Variants in KLHL7 observed in about 807,000 individuals in gnomAD.
The protein encoded by KLHL7 is kelch like family member 7, also known as kelch-like protein 7.
A neutral mutation model predicts 67.4 loss-of-function variants in KLHL7; 44 were observed. The ratio of observed to expected loss-of-function variants is 0.65; its 90% confidence interval spans 0.51 to 0.84. KLHL7 has a LOEUF of 0.84. Ranked by LOEUF, KLHL7 falls within the 40% of genes least tolerant of loss-of-function variation. The pLI is 0.00. For missense variants in KLHL7, 362 were observed against 718.1 expected (o/e 0.50, Z 5.67); for synonymous variants, 252 against 243.3 (o/e 1.04, Z -0.33).
chr7:23,132,561 T>A (rs1783839842), intron 4 of KLHL7, among the ~76,000 whole-genome samples: 1 of 152,184 alleles, frequency 6.6e-6, no homozygotes, highest in East Asian at 1.9e-4. Context: ...GTCAGATGAG[T>A]AGTTTGCAGA....
intron 1 of KLHL7, chr7:23,106,766 C>A (rs991621134): frequency 1.0e-6 from 1 of 985,236 alleles, no homozygotes. Flanking sequence ...GTGGTGCATT[C>A]GTGAAATTCT....
chr7:23,144,507 G>A (rs1384310915), intron 6 of KLHL7, among the ~76,000 whole-genome samples: 1 of 152,110 alleles, frequency 6.6e-6, no homozygotes, highest in Non-Finnish European at 1.5e-5. Flanking sequence ...TAAACAATCT[G>A]TTGCTTTTCT....
intron 6 of KLHL7, among the ~76,000 whole-genome samples, chr7:23,148,899 C>T (rs1784445453): frequency 1.3e-5 from 2 of 152,228 alleles, no homozygotes; most frequent in East Asian, 3.9e-4. Flanking sequence ...TGTTCTATTA[C>T]TCCTTGACTA....
intron 1 of KLHL7, among the ~76,000 whole-genome samples, chr7:23,115,447 T>A (rs546999561): frequency 2.0e-5 from 3 of 152,300 alleles, no homozygotes; most frequent in Non-Finnish European, 2.9e-5. Flanking sequence ...TTGGGAGGAA[T>A]CTTCCATGCT....
At chr7:23,151,668 T>C (rs1784540838) in intron 6 of KLHL7, among the ~76,000 whole-genome samples, 1 of 152,228 alleles carries the variant, frequency 6.6e-6, no homozygotes, top group South Asian at 2.1e-4. Flanking sequence ...TTTTATTTAA[T>C]TAGTCTGTGG....
chr7:23,114,422 C>G (rs1783002009), intron 1 of KLHL7, among the ~76,000 whole-genome samples: 1 of 152,162 alleles, frequency 6.6e-6, no homozygotes. Flanking sequence ...CTTCTTATGT[C>G]TCGTTTGGTT....
chr7:23,130,058 A>G (rs989539753), intron 4 of KLHL7, among the ~76,000 whole-genome samples: 1 of 152,198 alleles, frequency 6.6e-6, no homozygotes, highest in Non-Finnish European at 1.5e-5. Context: ...ATCTTTTGAA[A>G]TCATCTAATG....
intron 6 of KLHL7, 149 bp from the exon 7 acceptor site, chr7:23,151,918 C>T (rs1784548577): frequency 5.5e-6 from 4 of 733,068 alleles, no homozygotes; most frequent in South Asian, 3.1e-5. Flanking sequence ...ATTTCTCCTG[C>T]CTCTTCCCCC....
chr7:23,171,552 C>T (rs1300420998), intron 9 of KLHL7, among the ~76,000 whole-genome samples: 3 of 152,148 alleles, frequency 2.0e-5, no homozygotes, highest in African/African-American at 4.8e-5. Flanking sequence ...AAACAGGAGC[C>T]ATGCTGTCCA....
intron 7 of KLHL7, among the ~76,000 whole-genome samples, chr7:23,164,954 T>G (rs918621336): frequency 3.9e-5 from 6 of 152,224 alleles, no homozygotes; most frequent in Non-Finnish European, 7.3e-5. Context: ...ATACTATAAC[T>G]TTAGGGGCAT....
At chr7:23,135,768 T>C (rs911879186) in intron 4 of KLHL7, among the ~76,000 whole-genome samples, 1 of 152,168 alleles carries the variant, frequency 6.6e-6, no homozygotes, top group Non-Finnish European at 1.5e-5. Flanking sequence ...TGTGTAAAAA[T>C]AAGTTGGTCT....
At chr7:23,128,177 T>C (rs1214375535) in intron 4 of KLHL7, among the ~76,000 whole-genome samples, 2 of 148,230 alleles carry the variant, frequency 1.3e-5, no homozygotes, top group African/African-American at 5.0e-5. Flanking sequence ...TGTGTAAAAA[T>C]ATGGTTTTAC....
chr7:23,110,811 TGTGTCC>T (rs57906333), intron 1 of KLHL7, among the ~76,000 whole-genome samples: 2,340 of 129,516 alleles, frequency 0.018, 78 homozygotes, highest in African/African-American at 0.066. Context: ...TTCCCCTTCC[TGTGTCC>T]GTGTGTTCTC....
Position 23,167,998 on chromosome 7 carries a change from T to A in KLHL7, c.1340T>A (p.Val447Glu). 6.2e-7 allele frequency: 1 copy of A among 1,614,156 alleles called. No homozygotes were observed. Among genetic ancestry groups the A allele is most frequent in the Non-Finnish European group, 8.5e-7 (1 of 1,180,020 alleles). The part of the protein sequence containing the change: ...GSLGNNVSGR[V>E]LNSCEVYDPA... ...TTAGGAAACAATGTTTCTGGGAGAG[T>A]GCTTAATTCCTGTGAAGTTTATGAT... The change falls in exon 9 of 11, where the codon GTG becomes GAG. Residue 447 changes from valine to glutamate, a missense_variant. Physicochemically the swap from Val to Glu is moderately radical, Grantham distance 121. Around this residue, in one of 5 missense-constraint regions of KLHL7, gnomAD observed 136 missense variants for 252.7 expected, o/e 0.54. Transcript: ENST00000339077.
chr7:23,125,570 T>C (rs976195872), intron 4 of KLHL7, among the ~76,000 whole-genome samples: 6 of 152,192 alleles, frequency 3.9e-5, no homozygotes, highest in African/African-American at 1.4e-4. Context: ...ACATAGCTAG[T>C]GTATGAACGA....
chr7:23,134,214 G>T lies in KLHL7; in HGVS notation c.443-6555G>T, dbSNP rs183552751. Among the ~76,000 whole-genome samples, 28 of 152,106 alleles carry T rather than the reference G, an allele frequency of 1.8e-4. No homozygotes were observed. In the East Asian group the frequency reaches 5.4e-3, roughly 29 times the overall value. ...CAGCATTGACTGAAATTTTCTTATG[G>T]TTTTTATCTTCATTTTGTTGATACG... On this transcript the variant is annotated intron_variant, in intron 4 of 10. Coordinates refer to ENST00000339077, the MANE Select transcript of KLHL7 (RefSeq NM_001031710.3).
chr7:23,159,774 C>A (rs1784808727), intron 7 of KLHL7, among the ~76,000 whole-genome samples: 1 of 152,168 alleles, frequency 6.6e-6, no homozygotes, highest in Non-Finnish European at 1.5e-5. Context: ...AAGCAATCTG[C>A]CTGCCTCAAC....
At chr7:23,137,773 C>T (rs2128463612) in intron 4 of KLHL7, among the ~76,000 whole-genome samples, 1 of 150,780 alleles carries the variant, frequency 6.6e-6, no homozygotes, top group Admixed American at 6.6e-5. Flanking sequence ...GCCACCACGC[C>T]TGGCCAGGTT....
Position 23,172,067 on chromosome 7 carries a change from T to C in KLHL7, c.1380-881T>C, listed in dbSNP as rs138360986. 40 of 438,400 alleles carry C rather than the reference T, an allele frequency of 9.1e-5. 2 individuals are homozygous for C. In the East Asian group the frequency reaches 2.5e-3, roughly 28 times the overall value. 27.2% of individuals were successfully genotyped at this position (438,400 alleles called of 1,614,324 possible). ...CAATAATTATAGAGAGTTACTCTTA[T>C]GCCAAGTTTCCCTTTTGTTGTTGTC... On this transcript the variant is annotated intron_variant, in intron 9 of 10. Coordinates refer to ENST00000339077, the MANE Select transcript of KLHL7 (RefSeq NM_001031710.3).
Sources: allele counts gnomAD v4.1 joint callset (sites outside exome capture counted in the v4.1 genomes callset), GRCh38; gene constraint gnomAD v4.1.1; regional missense constraint gnomAD v4.1.1; transcripts MANE v1.5; gene names NCBI Gene and HGNC (gene_info 2026-07-23, HGNC 2026-07-21).